Variants in MDGA2 observed in about 807,000 individuals in gnomAD.
The protein encoded by MDGA2 is MAM domain containing glycosylphosphatidylinositol anchor 2, also known as MAM domain-containing glycosylphosphatidylinositol anchor protein 2.
In MDGA2, 40 loss-of-function variants were observed where a neutral mutation model predicts 117.8. That is an observed-to-expected ratio of 0.34 (90% CI 0.26 to 0.44). The LOEUF is 0.44. Ranked by LOEUF, MDGA2 falls within the 20% of genes least tolerant of loss-of-function variation. The pLI is 1.00. For synonymous variants in MDGA2, 452 were observed against 439.0 expected, an observed-to-expected ratio of 1.03 and a Z score of -0.37; for missense variants, 1,123 against 1,250.6, an observed-to-expected ratio of 0.90 and a Z score of 1.54.
chr14:46,844,874 A>G (rs188574186), intron 16 of MDGA2, among the ~76,000 whole-genome samples: 2 of 151,192 alleles, frequency 1.3e-5, no homozygotes, highest in Non-Finnish European at 2.9e-5. Flanking sequence ...GATGATTTTT[A>G]TTATTATTAT....
chr14:47,642,546 C>T, intron 1 of MDGA2, among the ~76,000 whole-genome samples: 1 of 152,020 alleles, frequency 6.6e-6, no homozygotes, highest in Non-Finnish European at 1.5e-5. Context: ...ACACATATTG[C>T]TTGGCAAACA....
At chr14:46,904,064 T>C (rs1202639654) in intron 10 of MDGA2, among the ~76,000 whole-genome samples, 3 of 152,108 alleles carry the variant, frequency 2.0e-5, no homozygotes, top group Admixed American at 6.6e-5. Context: ...GGAAGACATA[T>C]AAAAATGGCC....
chr14:46,845,323 G>A (rs1880791034), intron 16 of MDGA2, among the ~76,000 whole-genome samples: 2 of 152,176 alleles, frequency 1.3e-5, no homozygotes, highest in Admixed American at 1.3e-4. Flanking sequence ...GCTGAACTGT[G>A]AGTCAATTAA....
chr14:47,108,542 A>G (rs1018975604), intron 5 of MDGA2, among the ~76,000 whole-genome samples: 2 of 151,542 alleles, frequency 1.3e-5, no homozygotes, highest in African/African-American at 4.9e-5. Context: ...CTCAAAAAGC[A>G]CCCCCACTGA....
In MDGA2 at chr14:47,007,485, G is replaced by A. The variant is rs1003377055; in HGVS notation, c.1819+27526C>T. ...TGCTCACCATACACCTACTCATAAA[G>A]GCTATTTTAGTATACATTAAAATTT... On this transcript the variant is annotated intron_variant, in intron 8 of 16. Transcript: ENST00000399232. Among the ~76,000 whole-genome samples, 5 of 151,640 alleles carry A rather than the reference G, an allele frequency of 3.3e-5. No homozygotes were observed. The South Asian group carries it at 1.0e-3, about 31-fold the overall frequency.
intron 9 of MDGA2, among the ~76,000 whole-genome samples, chr14:46,924,830 A>G (rs1884266170): frequency 6.6e-6 from 1 of 152,166 alleles, no homozygotes; most frequent in South Asian, 2.1e-4. Flanking sequence ...GCAAGCAAGA[A>G]AAAGAAGTCT....
intron 1 of MDGA2, among the ~76,000 whole-genome samples, chr14:47,540,501 TTTGTATA>T (rs1162242692): frequency 7.4e-6 from 1 of 135,582 alleles, no homozygotes; most frequent in African/African-American, 2.7e-5. Context: ...CGTGTGTGTG[TTTGTATA>T]TGTATATGTA....
At chr14:47,487,587 T>G (rs1304962872) in intron 1 of MDGA2, among the ~76,000 whole-genome samples, 2 of 152,206 alleles carry the variant, frequency 1.3e-5, no homozygotes, top group African/African-American at 4.8e-5. Context: ...TTTGGCTTTA[T>G]TATTATGTCA....
intron 2 of MDGA2, among the ~76,000 whole-genome samples, chr14:47,233,061 C>T (rs905601487): frequency 2.6e-5 from 4 of 152,092 alleles, no homozygotes; most frequent in Non-Finnish European, 5.9e-5. Context: ...GAGTTTCACA[C>T]TCAGTATTTA....
chr14:47,252,996 G>A (rs1398229976), intron 2 of MDGA2, among the ~76,000 whole-genome samples: 1 of 152,056 alleles, frequency 6.6e-6, no homozygotes, highest in African/African-American at 2.4e-5. Flanking sequence ...CGAGCAAAAG[G>A]GGAAGTCCCT....
At chr14:47,139,683 C>T (rs558873277) in intron 4 of MDGA2, among the ~76,000 whole-genome samples, 83 of 150,666 alleles carry the variant, frequency 5.5e-4, no homozygotes, top group Non-Finnish European at 7.7e-4. Flanking sequence ...TTATAGAGTA[C>T]ACATGGCAGT....
intron 2 of MDGA2, among the ~76,000 whole-genome samples, chr14:47,284,971 G>GA: frequency 6.6e-6 from 1 of 152,128 alleles, no homozygotes; most frequent in East Asian, 1.9e-4. Context: ...GCAATGTTCA[G>GA]ACTGCTAAAC....
intron 1 of MDGA2, among the ~76,000 whole-genome samples, chr14:47,432,954 T>C (rs943730278): frequency 3.9e-5 from 6 of 152,016 alleles, no homozygotes; most frequent in Admixed American, 1.3e-4. Flanking sequence ...ATTGAATACC[T>C]ACCATGTGCC....
chr14:47,095,098 T>C (rs1186506480), intron 6 of MDGA2, among the ~76,000 whole-genome samples: 1 of 152,054 alleles, frequency 6.6e-6, no homozygotes. Context: ...ATGCATTCCT[T>C]ACATTTGCTG....
chr14:47,085,277 G>A (rs1298588981), intron 6 of MDGA2, among the ~76,000 whole-genome samples: 1 of 151,946 alleles, frequency 6.6e-6, no homozygotes, highest in Non-Finnish European at 1.5e-5. Flanking sequence ...GAAATATAAT[G>A]GTATAGAAGG....
At chr14:47,336,651 A>G (rs909132606) in intron 1 of MDGA2, among the ~76,000 whole-genome samples, 1 of 151,988 alleles carries the variant, frequency 6.6e-6, no homozygotes. Context: ...GTTTGAGGAA[A>G]GAGCTTTTAC....
intron 2 of MDGA2, among the ~76,000 whole-genome samples, chr14:47,294,103 CTTTTTTTT>C (rs35698427): frequency 4.2e-4 from 42 of 99,144 alleles, no homozygotes; most frequent in Admixed American, 3.2e-4. Context: ...ATATGGCAAT[CTTTTTTTT>C]TTTTTTTTTT....
chr14:47,666,256 T>C (rs1472258879), intron 1 of MDGA2, among the ~76,000 whole-genome samples: 1 of 145,170 alleles, frequency 6.9e-6, no homozygotes, highest in Non-Finnish European at 1.6e-5. Flanking sequence ...GCACTCTGTA[T>C]CTAGCTCAAG....
At chr14:46,962,472 C>G (rs1156701143) in intron 8 of MDGA2, among the ~76,000 whole-genome samples, 1 of 152,184 alleles carries the variant, frequency 6.6e-6, no homozygotes, top group African/African-American at 2.4e-5. Flanking sequence ...TTCTGCACCC[C>G]TTGCCCAAAG....
Sources: allele counts gnomAD v4.1 joint callset (sites outside exome capture counted in the v4.1 genomes callset), GRCh38; gene constraint gnomAD v4.1.1; transcripts MANE v1.5; gene names NCBI Gene and HGNC (gene_info 2026-07-23, HGNC 2026-07-21).